Variants in CDC25C observed in about 807,000 individuals in gnomAD.
The protein encoded by CDC25C is cell division cycle 25C.
A neutral mutation model predicts 52.5 loss-of-function variants in CDC25C; 48 were observed. The ratio of observed to expected loss-of-function variants is 0.91; its 90% CI spans 0.72 to 1.16. The LOEUF is 1.16. Ranked by LOEUF, CDC25C falls within the 50% of genes most tolerant of loss-of-function variation. CDC25C has a pLI of 0.00. For synonymous variants in CDC25C, 187 were observed against 206.5 expected (o/e 0.91, Z 0.81); for missense variants, 510 against 566.1 (o/e 0.90, Z 1.01).
chr5:138,291,811 A>G (rs1489736164), intron 8 of CDC25C, among the ~76,000 whole-genome samples, 159 bp downstream of exon 8: 2 of 151,090 alleles, frequency 1.3e-5, no homozygotes, highest in Non-Finnish European at 2.9e-5. Context: ...TCACGTGGAT[A>G]CAGATGTAGA....
At chr5:138,326,691 C>T (rs536050894) in intron 4 of CDC25C, among the ~76,000 whole-genome samples, 23 of 152,234 alleles carry the variant, frequency 1.5e-4, no homozygotes, top group African/African-American at 5.5e-4. Context: ...CTGTGGCCCA[C>T]GCCTGTAATC....
rs1756136173 is a variant in CDC25C at position 138,285,569 on chromosome 5, C to G, written c.*123G>C. 1 of 875,934 alleles carries G rather than the reference C, an allele frequency of 1.1e-6. No homozygotes were observed. Among genetic ancestry groups the G allele is most frequent in the Non-Finnish European group, 1.8e-6 (1 of 553,808 alleles). 54.3% of individuals were successfully genotyped at this position (875,934 alleles called of 1,614,324 possible). On this transcript the variant is annotated 3_prime_UTR_variant, in exon 14 of 14. Transcript: ENST00000323760. ...CCCAGGCCTGGATACAAGTTGGTAG[C>G]CTGTTGGTTTGCAGAGACATCTTTT...
chr5:138,332,013 G>T, upstream of CDC25C: 1 of 634,588 alleles, frequency 1.6e-6, no homozygotes, highest in Non-Finnish European at 2.0e-6. Context: ...ATAGTGTTTG[G>T]CCCACCAGCG....
upstream of CDC25C, among the ~76,000 whole-genome samples, chr5:138,332,386 C>T (rs1760465550): frequency 6.6e-6 from 1 of 152,106 alleles, no homozygotes; most frequent in South Asian, 2.1e-4. Context: ...TAGCCCCTTC[C>T]AAGAGCTTTG....
Position 138,299,495 on chromosome 5 carries a change from C to CA in CDC25C, c.616-7380dup, listed in dbSNP as rs70982704. The stretch of plus-strand genomic sequence containing the variant: ...TGGGGGACAGAGCAAGACTCCGTCT[C>CA]AAAAAAAAAAAAAAAAAGAAAGAAA... On this transcript the variant is annotated intron_variant, in intron 7 of 13. Coordinates refer to ENST00000323760, the MANE Select transcript of CDC25C (RefSeq NM_001790.5). Among the ~76,000 whole-genome samples the CA allele has an allele frequency of 3.8e-3, 344 of 90,498 alleles. 2 individuals carry two copies. Among genetic ancestry groups the CA allele is most frequent in the African/African-American group, 0.01 (252 of 24,036 alleles). 59.4% of individuals were successfully genotyped at this position (90,498 alleles called of 152,430 possible). A position where few individuals can be genotyped will look rare whatever the true frequency, so the allele number is the denominator to read the frequency against.
At chr5:138,290,780 T>G in intron 8 of CDC25C, 40 bp from the exon 9 acceptor site, 1 of 1,260,188 alleles carries the variant, frequency 7.9e-7, no homozygotes, top group Non-Finnish European at 1.2e-6. Context: ...CCAATCCTCA[T>G]GTTAAAGGTT....
chr5:138,311,419 C>T (rs1758443863), intron 7 of CDC25C, among the ~76,000 whole-genome samples: 1 of 152,078 alleles, frequency 6.6e-6, no homozygotes, highest in Admixed American at 6.6e-5. Context: ...ACAGCAAGAC[C>T]TCATCTCTAT....
chr5:138,335,776 TTTTG>T (rs1760657405), upstream of CDC25C, among the ~76,000 whole-genome samples: 1 of 149,336 alleles, frequency 6.7e-6, no homozygotes, highest in African/African-American at 2.4e-5. Context: ...GGGTTTTTTT[TTTTG>T]TTTTGTTTTT....
intron 2 of CDC25C, 21 bp from the exon 3 acceptor site, chr5:138,329,668 A>G (rs1411558267): frequency 3.0e-6 from 4 of 1,330,646 alleles, no homozygotes; most frequent in Non-Finnish European, 2.2e-6. Flanking sequence ...ATAATAGTAC[A>G]TCGAAATTCC....
chr5:138,308,316 T>C (rs1758191963), intron 7 of CDC25C, among the ~76,000 whole-genome samples: 1 of 152,250 alleles, frequency 6.6e-6, no homozygotes, highest in South Asian at 2.1e-4. Context: ...ATGTTCACTG[T>C]ACTGTACTTA....
At chr5:138,338,138 C>T in exon 1 of CDC25C, 1 of 1,289,824 alleles carries the variant, frequency 7.8e-7, no homozygotes, top group Non-Finnish European at 1.0e-6. Context: ...AGACACGACA[C>T]GGAGCTGCGC....
At chr5:138,318,240 G>A (rs1178943263) in intron 7 of CDC25C, among the ~76,000 whole-genome samples, 5 of 152,126 alleles carry the variant, frequency 3.3e-5, no homozygotes, top group African/African-American at 1.2e-4. Context: ...TTAAACCCAG[G>A]AGACGGAGGT....
Position 138,286,111 on chromosome 5 carries a change from C to G in CDC25C, c.1183G>C (p.Asp395His), listed in dbSNP as rs1243084301. The change falls in exon 13 of 14, where the codon GAC becomes CAC. Residue 395 changes from aspartate (D) to histidine (H), a missense_variant. Asp to His is a moderately conservative substitution (Grantham distance 81). Coordinates refer to ENST00000323760, the MANE Select transcript of CDC25C (RefSeq NM_001790.5). ...PRMCRCLREE[D>H]RSLNQYPALY... is the part of the protein sequence containing the mutation. ...GCAGGATACTGGTTCAGAGACCTGT[C>G]CTCTTCACGCAGACAGCGGCACCTT... is the stretch of plus-strand genomic sequence containing the variant. The G allele has an allele frequency of 6.2e-7, 1 of 1,613,784 alleles. No homozygotes were observed. Among genetic ancestry groups the G allele is most frequent in the Non-Finnish European group, 8.5e-7 (1 of 1,179,820 alleles).
At chr5:138,307,147 T>A (rs555915001) in intron 7 of CDC25C, among the ~76,000 whole-genome samples, 1 of 151,768 alleles carries the variant, frequency 6.6e-6, no homozygotes, top group East Asian at 2.0e-4. Context: ...CCCAGCCCCC[T>A]ATCCCTTTTG....
chr5:138,286,353 C>T (rs1218819239), intron 12 of CDC25C, 144 bp downstream of exon 12: 2 of 1,009,894 alleles, frequency 2.0e-6, no homozygotes, highest in Admixed American at 2.5e-5. Flanking sequence ...TTGTTTCAAA[C>T]TTTTCAATTT....
intron 4 of CDC25C, among the ~76,000 whole-genome samples, chr5:138,327,593 C>T (rs543455560): frequency 6.6e-6 from 1 of 152,124 alleles, no homozygotes; most frequent in South Asian, 2.1e-4. Context: ...GTCAAGATGG[C>T]ACCACTGCAC....
intron 7 of CDC25C, among the ~76,000 whole-genome samples, chr5:138,318,425 A>C (rs1759075753): frequency 6.6e-6 from 1 of 152,092 alleles, no homozygotes; most frequent in Admixed American, 6.5e-5. Context: ...TTCAAGAATG[A>C]ATTGTTGGCT....
intron 7 of CDC25C, among the ~76,000 whole-genome samples, chr5:138,308,319 T>C (rs1159275451): frequency 6.6e-6 from 1 of 152,242 alleles, no homozygotes. Context: ...TTCACTGTAC[T>C]GTACTTAATT....
intron 7 of CDC25C, among the ~76,000 whole-genome samples, chr5:138,313,096 G>A (rs1037976570): frequency 1.3e-5 from 2 of 151,950 alleles, no homozygotes; most frequent in African/African-American, 2.4e-5. Flanking sequence ...TCTGCTTGGG[G>A]GCCAGGTGCA....
Sources: gnomAD v4.1 joint callset for allele counts (sites outside exome capture counted in the v4.1 genomes callset) on GRCh38, gnomAD v4.1.1 for gene constraint, MANE v1.5 for transcripts, NCBI Gene and HGNC (gene_info 2026-07-23, HGNC 2026-07-21) for gene names.